Variants in ADAMTSL3 observed in about 807,000 individuals in gnomAD.
ADAMTSL3 encodes the protein ADAMTS like 3.
ADAMTSL3 carries 128 observed loss-of-function variants against 201.7 expected under a neutral mutation model. The observed-to-expected ratio is 0.63, with a 90% CI of 0.55 to 0.73. The LOEUF is 0.73. ADAMTSL3 is among the 30% of genes least tolerant of loss of function. The probability of loss-of-function intolerance (pLI) is 0.00; values close to 1 mark genes in which losing one functional copy is unlikely to be tolerated. For synonymous variants in ADAMTSL3, 738 were observed against 748.4 expected (o/e 0.99, Z 0.23); for missense variants, 1,990 against 2,119.6 (o/e 0.94, Z 1.20).
chr15:83,962,075 T>G (rs370517136), intron 19 of ADAMTSL3: 2 of 152,300 alleles, frequency 1.3e-5, no homozygotes, highest in Admixed American at 1.3e-4. Context: ...CCTCATACTG[T>G]TCTCGTGGTG....
At chr15:83,954,306 T>A (rs948134344) in intron 19 of ADAMTSL3, among the ~76,000 whole-genome samples, 11 of 152,244 alleles carry the variant, frequency 7.2e-5, no homozygotes, top group Non-Finnish European at 1.5e-4. Context: ...GTTGATCAGT[T>A]CTGCTGCCAA....
chr15:83,991,022 AAT>A (rs1269507692), intron 22 of ADAMTSL3, 62 bp from the exon 23 acceptor site: 4 of 1,605,576 alleles, frequency 2.5e-6, no homozygotes, highest in Non-Finnish European at 3.4e-6. Context: ...TACCAAATGC[AAT>A]ATGTTTTACC....
intron 3 of ADAMTSL3, chr15:83,739,910 G>C (rs1243420493): frequency 3.4e-6 from 2 of 583,900 alleles, no homozygotes; most frequent in African/African-American, 3.8e-5. Flanking sequence ...AAGACCAGTG[G>C]GAGAGAAGAC....
At chr15:83,877,641 T>G (rs1223834038) in intron 9 of ADAMTSL3, among the ~76,000 whole-genome samples, 1 of 152,222 alleles carries the variant, frequency 6.6e-6, no homozygotes, top group Non-Finnish European at 1.5e-5. Flanking sequence ...TGCTGGATTT[T>G]GATTGGAATT....
intron 4 of ADAMTSL3, among the ~76,000 whole-genome samples, chr15:83,799,212 G>A (rs1283004753): frequency 1.3e-5 from 2 of 152,218 alleles, no homozygotes; most frequent in Non-Finnish European, 2.9e-5. Context: ...CAAACTGAAA[G>A]CCATCCCAAA....
At chr15:83,659,169 C>T (rs1480499448) in intron 2 of ADAMTSL3, among the ~76,000 whole-genome samples, 2 of 152,172 alleles carry the variant, frequency 1.3e-5, no homozygotes, top group African/African-American at 4.8e-5. Context: ...ATGACTTGAT[C>T]TTTGACTGTC....
At chr15:83,725,102 T>C (rs1162429560) in intron 3 of ADAMTSL3, among the ~76,000 whole-genome samples, 2 of 152,200 alleles carry the variant, frequency 1.3e-5, no homozygotes, top group African/African-American at 4.8e-5. Context: ...ATGATAGTTC[T>C]ATTTTTAGTT....
At chr15:83,972,904 G>A (rs1224831080) in intron 20 of ADAMTSL3, among the ~76,000 whole-genome samples, 4 of 152,102 alleles carry the variant, frequency 2.6e-5, no homozygotes, top group Non-Finnish European at 5.9e-5. Context: ...CAGAGCAAGA[G>A]ATGAGGTTGG....
chr15:83,787,122 T>C lies in ADAMTSL3; in HGVS notation c.317+13472T>C, dbSNP rs28662775. ...CATAAAAATGCCTTTTGAGTCCTCA[T>C]TTCTTCCTTTTGCATTCATTGGCAA... On this transcript the variant is annotated intron_variant, in intron 4 of 29. Transcript: ENST00000286744. Among the ~76,000 whole-genome samples, 887 of 152,334 alleles carry C rather than the reference T, an allele frequency of 5.8e-3. 6 individuals carry two copies. The highest frequency in any genetic ancestry group is 0.017 in the African/African-American group (721 of 41,572).
chr15:83,712,950 A>G (rs530161756), intron 3 of ADAMTSL3, among the ~76,000 whole-genome samples: 3 of 152,208 alleles, frequency 2.0e-5, no homozygotes, highest in East Asian at 3.9e-4. Context: ...ACCTCCTCCT[A>G]TGCATGCTTC....
chr15:84,028,511 A>C (rs1219563755), intron 27 of ADAMTSL3, among the ~76,000 whole-genome samples: 1 of 152,208 alleles, frequency 6.6e-6, no homozygotes, highest in Non-Finnish European at 1.5e-5. Flanking sequence ...GAATGTCAAA[A>C]TTTTAAAATT....
chr15:83,846,129 G>T (rs1596308344), intron 7 of ADAMTSL3, among the ~76,000 whole-genome samples: 1 of 152,180 alleles, frequency 6.6e-6, no homozygotes, highest in African/African-American at 2.4e-5. Context: ...CCTGACACCT[G>T]CTGACCAGCT....
At chr15:83,841,913 G>A (rs1421828034) in intron 7 of ADAMTSL3, among the ~76,000 whole-genome samples, 4 of 151,712 alleles carry the variant, frequency 2.6e-5, no homozygotes, top group African/African-American at 4.8e-5. Context: ...ACACACAGAC[G>A]CCGACAGGCC....
In ADAMTSL3 at chr15:84,038,057, G is replaced by A; in HGVS notation, c.*251G>A. On this transcript the variant is annotated 3_prime_UTR_variant, in exon 30 of 30. Coordinates refer to ENST00000286744, the MANE Select transcript of ADAMTSL3 (RefSeq NM_207517.3). The stretch of plus-strand genomic sequence containing the variant: ...CTATAGCATGCATGCCACTGCACTT[G>A]GGACCTCATCATGTCAGTTGAATCG... The A allele has an allele frequency of 2.2e-6, 1 of 460,720 alleles. No individual in the cohort carries two copies. 28.5% of individuals were successfully genotyped at this position (460,720 alleles called of 1,614,324 possible).
rs772980319 is a variant in ADAMTSL3 at position 83,988,726 on chromosome 15, A to G, written c.3752A>G (p.Gln1251Arg). 13 of 1,609,016 alleles carry G rather than the reference A, an allele frequency of 8.1e-6. No homozygotes were observed. The highest frequency in any genetic ancestry group is 1.1e-5 in the Non-Finnish European group (13 of 1,177,088). ...GATGGAACTGGGAAGATACAGATAC[A>G]GAATCCTACAAGGAAAGAACAAGGC... ...ILDGTGKIQIQNPTRKEQGIY... is the reference protein window; with the variant it reads ...ILDGTGKIQIRNPTRKEQGIY... Residue 1251 changes from glutamine to arginine, a missense_variant, in exon 22 of 30, where the codon CAG becomes CGG. Physicochemically the swap from Gln to Arg is conservative, Grantham distance 43. Coordinates refer to ENST00000286744, the MANE Select transcript of ADAMTSL3 (RefSeq NM_207517.3).
At chr15:83,871,764 G>A (rs1479568710) in intron 9 of ADAMTSL3, among the ~76,000 whole-genome samples, 1 of 152,150 alleles carries the variant, frequency 6.6e-6, no homozygotes, top group Non-Finnish European at 1.5e-5. Flanking sequence ...AAACTCTTCT[G>A]ATAAATTTGA....
chr15:83,897,962 C>T lies in ADAMTSL3; in HGVS notation c.1572C>T (p.Ile524=). Residue 524 remains isoleucine (I), a synonymous_variant, in exon 14 of 30, where the codon ATC becomes ATT. Transcript: ENST00000286744. ...GGCNPQLKLH[I]KEECVIPIPC... ...GCAATCCACAACTGAAGTTACACAT[C>T]AAAGAAGAATGTGTCATTCCCATCC... The T allele has an allele frequency of 2.5e-6, 4 of 1,613,750 alleles. No homozygotes were observed. Among genetic ancestry groups the T allele is most frequent in the Non-Finnish European group, 3.4e-6 (4 of 1,179,762 alleles).
At position 83,804,643 on chromosome 15, in the gene ADAMTSL3, C is replaced by A. The variant is rs763213225; in HGVS notation, c.318-7C>A. 26 of 1,449,278 alleles carry A rather than the reference C, an allele frequency of 1.8e-5. No individual in the cohort carries two copies. Among genetic ancestry groups the A allele is most frequent in the Non-Finnish European group, 2.1e-5 (23 of 1,085,980 alleles). The allele number at this position is 1,449,278 out of a possible 1,614,324, so 89.8% of individuals were successfully genotyped here. ...ATTTCTTCTTTCTTCTTTCTTTTTT[C>A]CTTTAGGAATTGTGAAGGGCAGAAC... On this transcript the variant is annotated splice_region_variant and splice_polypyrimidine_tract_variant and intron_variant, in intron 4 of 29. Transcript: ENST00000286744.
chr15:83,916,657 A>T (rs2066038081), intron 16 of ADAMTSL3, among the ~76,000 whole-genome samples: 1 of 152,184 alleles, frequency 6.6e-6, no homozygotes, highest in Non-Finnish European at 1.5e-5. Context: ...AAAGGCTGGG[A>T]TGGAAATTGT....
Sources: gnomAD v4.1 joint callset for allele counts (sites outside exome capture counted in the v4.1 genomes callset) on GRCh38, gnomAD v4.1.1 for gene constraint, MANE v1.5 for transcripts, NCBI Gene and HGNC (gene_info 2026-07-23, HGNC 2026-07-21) for gene names.